The following DOT1L variants were observed in gnomAD, a reference collection of about 807,000 sequenced individuals.
DOT1L encodes histone-lysine N-methyltransferase, H3 lysine-79 specific.
Under a neutral mutation model 153.3 loss-of-function variants are expected in DOT1L, and 33 were observed. That is an observed-to-expected ratio of 0.22 (90% CI 0.16 to 0.29). The LOEUF (loss-of-function observed/expected upper bound fraction) is 0.29, where lower values mean the gene tolerates loss of function less well. Ranked by LOEUF, DOT1L falls within the 10% of genes least tolerant of loss-of-function variation. The pLI is 1.00. For synonymous variants in DOT1L, 1,135 were observed against 965.1 expected (o/e 1.18, Z -3.26); for missense variants, 1,847 against 2,119.9 (o/e 0.87, Z 2.53).
chr19:2,228,128 G>A (rs771156491), intron 27 of DOT1L: 1 of 1,363,500 alleles, frequency 7.3e-7, no homozygotes, highest in Admixed American at 1.9e-5. Flanking sequence ...CCTCTCTGCC[G>A]CCTGCTAACG....
chr19:2,230,021 C>T lies in DOT1L; in HGVS notation c.*229C>T. 1 of 686,752 alleles carries T rather than the reference C, an allele frequency of 1.5e-6. No homozygotes were observed. The highest frequency in any genetic ancestry group is 2.0e-5 in the South Asian group (1 of 51,022). The allele number at this position is 686,752 out of a possible 1,614,324, so 42.5% of individuals were successfully genotyped here. On this transcript the variant is annotated 3_prime_UTR_variant, in exon 28 of 28. Transcript: ENST00000398665. The stretch of plus-strand genomic sequence containing the variant: ...TTTATCATTTTTTAAAAAGTATAAA[C>T]AATTCTGACTTATTTTATTCCATCT...
chr19:2,164,411 T>G, intron 1 of DOT1L, 146 bp downstream of exon 1: 7 of 471,932 alleles, frequency 1.5e-5, no homozygotes, highest in Non-Finnish European at 1.6e-5. Flanking sequence ...TCCACCCCCG[T>G]TGCTTCCCGG....
intron 1 of DOT1L, among the ~76,000 whole-genome samples, chr19:2,165,412 G>C (rs562843712): frequency 6.6e-6 from 1 of 152,340 alleles, no homozygotes; most frequent in South Asian, 2.1e-4. Context: ...GAGAGGGAGC[G>C]CAGCTTCCAG....
At position 2,222,224 on chromosome 19, in the gene DOT1L, C is replaced by G. The variant is rs1352210208; in HGVS notation, c.3055C>G (p.Pro1019Ala). 2 of 1,613,012 alleles carry G rather than the reference C, an allele frequency of 1.2e-6. No individual in the cohort carries two copies. Among genetic ancestry groups the G allele is most frequent in the African/African-American group, 2.7e-5 (2 of 74,924 alleles). Residue 1019 changes from proline (P) to alanine (A), a missense_variant, in exon 24 of 28, where the codon CCG (proline) becomes GCG (alanine). By Grantham distance (27) the Pro-to-Ala change is conservative. Transcript: ENST00000398665. This position sits in a 1 kb window ranked among gnomAD's most constrained non-coding sequence, Gnocchi z 6.5. ...CCGGCTTGGTGGGGCCGCCCAGGGCCCGTTGCCCGAGGCCAGCAAGGGAGA... is the reference window on the plus strand; with the variant it reads ...CCGGCTTGGTGGGGCCGCCCAGGGCGCGTTGCCCGAGGCCAGCAAGGGAGA... Reference protein sequence around the residue: ...SPRLGGAAQGPLPEASKGDLP... With the variant: ...SPRLGGAAQGALPEASKGDLP...
In DOT1L at chr19:2,230,172, C is replaced by T; in HGVS notation, c.*380C>T. On this transcript the variant is annotated 3_prime_UTR_variant, in exon 28 of 28. Coordinates refer to ENST00000398665, the MANE Select transcript of DOT1L (RefSeq NM_032482.3). Reference sequence around the variant, plus strand: ...ACAGCCTGCCCCGGTGCTATCTCGTCCCCAGGCCCGCGCCTGCCTCCACCC... The same window carrying T: ...ACAGCCTGCCCCGGTGCTATCTCGTTCCCAGGCCCGCGCCTGCCTCCACCC... 2.1e-6 allele frequency: 1 copy of T among 481,382 alleles called. No individual in the cohort carries two copies. 29.8% of individuals were successfully genotyped at this position (481,382 alleles called of 1,614,324 possible).
At position 2,207,014 on chromosome 19, in the gene DOT1L, C is replaced by T. The variant is rs1021943115; in HGVS notation, c.856+217C>T. On this transcript the variant is annotated intron_variant, in intron 10 of 27. Coordinates refer to ENST00000398665, the MANE Select transcript of DOT1L (RefSeq NM_032482.3). This position sits in a 1 kb window ranked among gnomAD's most constrained non-coding sequence, Gnocchi z 4.5. ...CCTGGTCGCGACAACCACACACGTCCCCATAGAGCACTGTGTGCCATGGGG... is the reference window on the plus strand; with the variant it reads ...CCTGGTCGCGACAACCACACACGTCTCCATAGAGCACTGTGTGCCATGGGG... 1.3e-5 allele frequency among the ~76,000 whole-genome samples: 2 copies of T among 152,166 alleles called. No individual in the cohort carries two copies. The highest frequency in any genetic ancestry group is 4.8e-5 in the African/African-American group (2 of 41,446).
At chr19:2,202,928 T>C (rs1727311731) in intron 9 of DOT1L, 149 bp downstream of exon 9, 1 of 707,538 alleles carries the variant, frequency 1.4e-6, no homozygotes, top group African/African-American at 1.8e-5. Flanking sequence ...TATGCTTTTT[T>C]TTCTTTTTTT....
chr19:2,202,372 G>A (rs918909386), intron 8 of DOT1L, among the ~76,000 whole-genome samples: 3 of 152,212 alleles, frequency 2.0e-5, no homozygotes, highest in African/African-American at 7.2e-5. Context: ...TTCTTCCCTT[G>A]GCCTGTGGGT....
rs1171839447 is a variant in DOT1L, at chr19:2,226,603, G to A, written c.4082G>A (p.Gly1361Asp). 1 of 1,597,676 alleles carries A rather than the reference G, an allele frequency of 6.3e-7. No homozygotes were observed. ...TTCCCCTCGCAGCGCGGCAAGGAGG[G>A]CTCGGACGCCAACCCTTTCCTGAGC... Reference protein sequence around the residue: ...LSFPSQRGKEGSDANPFLSKR... With the variant: ...LSFPSQRGKEDSDANPFLSKR... Residue 1361 changes from glycine to aspartate, a missense_variant, in exon 27 of 28, where the codon GGC becomes GAC. By Grantham distance (94) the Gly-to-Asp change is moderately conservative. Around this residue, in one of 8 missense-constraint regions of DOT1L, gnomAD observed 934 missense variants for 825.3 expected, o/e 1.13. Coordinates refer to ENST00000398665, the MANE Select transcript of DOT1L (RefSeq NM_032482.3).
chr19:2,198,580 G>A lies in DOT1L; in HGVS notation c.652-1304G>A, dbSNP rs530509591. 1.6e-3 allele frequency among the ~76,000 whole-genome samples: 242 copies of A among 152,340 alleles called. 1 individual carries two copies. Among genetic ancestry groups the A allele is most frequent in the Non-Finnish European group, 2.7e-3 (185 of 68,030 alleles). On this transcript the variant is annotated intron_variant, in intron 7 of 27. Coordinates refer to ENST00000398665, the MANE Select transcript of DOT1L (RefSeq NM_032482.3). ...CTTGCTTGCGTTACCCTCTCTGCTCGGGGACTCCGTCCCCATCCTGAGAGA... is the reference window on the plus strand; with the variant it reads ...CTTGCTTGCGTTACCCTCTCTGCTCAGGGACTCCGTCCCCATCCTGAGAGA...
chr19:2,196,785 C>A (rs541989133), intron 7 of DOT1L, among the ~76,000 whole-genome samples: 2 of 152,200 alleles, frequency 1.3e-5, no homozygotes, highest in Non-Finnish European at 2.9e-5. Context: ...GAGGGCAAGA[C>A]GGGTACCCTT....
Position 2,213,873 on chromosome 19 carries a change from A to C in DOT1L, c.1684A>C (p.Asn562His), listed in dbSNP as rs1181030286. The C allele has an allele frequency of 1.2e-6, 2 of 1,613,116 alleles. No homozygotes were observed. Among genetic ancestry groups the C allele is most frequent in the Non-Finnish European group, 1.7e-6 (2 of 1,180,026 alleles). ...GCTGGGTGTGAAGGCGCTGACCTAC[A>C]ACGACCTGATTCAAGCGCAGAAGGA... ...DELGVKALTYNDLIQAQKEIS... is the reference protein window; with the variant it reads ...DELGVKALTYHDLIQAQKEIS... Residue 562 changes from asparagine to histidine, a missense_variant, in exon 18 of 28, where the codon AAC becomes CAC. By Grantham distance (68) the Asn-to-His change is moderately conservative. Around this residue, in one of 8 missense-constraint regions of DOT1L, gnomAD observed 156 missense variants for 235.7 expected, o/e 0.66. Transcript: ENST00000398665.
At chr19:2,228,362 T>C in intron 27 of DOT1L, 1 of 1,310,154 alleles carries the variant, frequency 7.6e-7, no homozygotes, top group Non-Finnish European at 1.0e-6. Context: ...CTTGCTTAGC[T>C]AGCAGTGCGT....
intron 1 of DOT1L, among the ~76,000 whole-genome samples, chr19:2,175,701 A>T (rs1038635831): frequency 7.2e-5 from 11 of 152,080 alleles, no homozygotes; most frequent in Admixed American, 5.2e-4. Context: ...GTGGTGGCTG[A>T]CGCCTATAAT....
chr19:2,225,406 A>G lies in DOT1L; in HGVS notation c.3615A>G (p.Ala1205=). The G allele has an allele frequency of 6.2e-7, 1 of 1,614,192 alleles. No individual in the cohort carries two copies. The highest frequency in any genetic ancestry group is 8.5e-7 in the Non-Finnish European group (1 of 1,180,008). The change falls in exon 26 of 28, where the codon GCA becomes GCG. Residue 1205 remains alanine (A), a synonymous_variant. Transcript: ENST00000398665. ...TTAACAGAATTGAGAGAAAAATTGC[A>G]ACAATCTCCTTAGAAAGCAAATCTC... ...PSSARIERKI[A]TISLESKSPP... is the part of the protein sequence containing the mutation.
In DOT1L at chr19:2,207,548, C is replaced by G; in HGVS notation, c.857-26C>G. 6.3e-7 allele frequency: 1 copy of G among 1,594,722 alleles called. No homozygotes were observed. Among genetic ancestry groups the G allele is most frequent in the Non-Finnish European group, 8.5e-7 (1 of 1,171,864 alleles). ...GGAGGGGCTGTGGGCAGGCGCAGGC[C>G]CCGGCCTCACCTGTGGCTCCTGCAG... On this transcript the variant is annotated intron_variant, in intron 10 of 27. Transcript: ENST00000398665. This position sits in a 1 kb window ranked among gnomAD's most constrained non-coding sequence, Gnocchi z 4.5.
rs2024545292 is a variant in DOT1L at position 2,230,330 on chromosome 19, G to A, written c.*538G>A. On this transcript the variant is annotated 3_prime_UTR_variant, in exon 28 of 28. Coordinates refer to ENST00000398665, the MANE Select transcript of DOT1L (RefSeq NM_032482.3). ...CCACATTCCTCGGAGGCCTCCCCGC[G>A]GCCTGAGCCCCTTCCTGAGCGCCCT... 4 of 414,894 alleles carry A rather than the reference G, an allele frequency of 9.6e-6. No individual in the cohort carries two copies. The highest frequency in any genetic ancestry group is 4.1e-5 in the Admixed American group (1 of 24,502). 25.7% of individuals were successfully genotyped at this position (414,894 alleles called of 1,614,324 possible).
At chr19:2,171,813 TGGGCCTCGTTTGC>T (rs1204389205) in intron 1 of DOT1L, among the ~76,000 whole-genome samples, 1 of 152,202 alleles carries the variant, frequency 6.6e-6, no homozygotes. Flanking sequence ...GGAGTGTATT[TGGGCCTCGTTTGC>T]GGGCTGCAGC....
At position 2,230,001 on chromosome 19, in the gene DOT1L, C is replaced by G; in HGVS notation, c.*209C>G. ...CGATAGTTTTAGATAAAGTATTTAT[C>G]ATTTTTTAAAAAGTATAAACAATTC... On this transcript the variant is annotated 3_prime_UTR_variant, in exon 28 of 28. Transcript: ENST00000398665. 1.3e-6 allele frequency: 1 copy of G among 757,976 alleles called. No individual in the cohort carries two copies. The highest frequency in any genetic ancestry group is 1.9e-5 in the South Asian group (1 of 53,848). 47.0% of individuals were successfully genotyped at this position (757,976 alleles called of 1,614,324 possible).
Sources: gnomAD v4.1 joint callset for allele counts (sites outside exome capture counted in the v4.1 genomes callset) on GRCh38, gnomAD v4.1.1 for gene constraint, gnomAD v4.1.1 regional missense constraint, Gnocchi (gnomAD v3.1) non-coding constraint, MANE v1.5 for transcripts, NCBI Gene and HGNC (gene_info 2026-07-23, HGNC 2026-07-21) for gene names.